Variants in AGBL4 observed in about 807,000 individuals in gnomAD.
The protein encoded by AGBL4 is AGBL carboxypeptidase 4, also known as cytosolic carboxypeptidase 6.
A neutral mutation model predicts 66.4 loss-of-function variants in AGBL4; 58 were observed. The observed-to-expected ratio is 0.87, with a 90% confidence interval of 0.71 to 1.09. AGBL4 has a LOEUF of 1.09. Among genes scored for constraint, AGBL4 ranks in the 50% least tolerant of loss-of-function variants. AGBL4 has a pLI of 0.00. For synonymous variants in AGBL4, 234 were observed against 222.9 expected, an observed-to-expected ratio of 1.05 and a Z score of -0.44; for missense variants, 579 against 631.0, an observed-to-expected ratio of 0.92 and a Z score of 0.88.
intron 3 of AGBL4, among the ~76,000 whole-genome samples, chr1:49,558,709 A>C (rs1014482615): frequency 6.6e-6 from 1 of 152,290 alleles, no homozygotes; most frequent in South Asian, 2.1e-4. Context: ...CAGAGAGCCC[A>C]GTACCCTAGA....
chr1:48,709,615 A>ATTATTATTATTG (rs1646933607), intron 6 of AGBL4, among the ~76,000 whole-genome samples: 1 of 145,346 alleles, frequency 6.9e-6, no homozygotes, highest in Non-Finnish European at 1.5e-5. Flanking sequence ...TATTATTATT[A>ATTATTATTATTG]TTTTGAGATG....
chr1:48,673,294 G>A (rs944628488), intron 6 of AGBL4, among the ~76,000 whole-genome samples: 1 of 152,040 alleles, frequency 6.6e-6, no homozygotes, highest in Non-Finnish European at 1.5e-5. Flanking sequence ...ATTTCCCCAA[G>A]CAGAGAACTG....
At chr1:49,094,413 T>C (rs1645054667) in intron 4 of AGBL4, among the ~76,000 whole-genome samples, 1 of 152,192 alleles carries the variant, frequency 6.6e-6, no homozygotes, top group African/African-American at 2.4e-5. Context: ...ATGCATTTTG[T>C]TAAAGGCCTT....
intron 3 of AGBL4, among the ~76,000 whole-genome samples, chr1:49,254,567 A>G (rs1652325236): frequency 6.6e-6 from 1 of 152,200 alleles, no homozygotes; most frequent in Non-Finnish European, 1.5e-5. Flanking sequence ...AAGAATCAAT[A>G]TTGTTAAAAT....
intron 3 of AGBL4, among the ~76,000 whole-genome samples, chr1:49,450,857 A>T (rs1646263121): frequency 1.3e-5 from 2 of 152,076 alleles, no homozygotes; most frequent in South Asian, 4.1e-4. Flanking sequence ...CTGCAAAGCC[A>T]TCTGTATTCG....
At chr1:48,761,896 T>C (rs886278931) in intron 6 of AGBL4, among the ~76,000 whole-genome samples, 2 of 152,142 alleles carry the variant, frequency 1.3e-5, no homozygotes, top group Admixed American at 6.5e-5. Context: ...TGGGTTTCTG[T>C]CAGCTCAAGT....
chr1:49,618,180 G>T (rs947181121), intron 3 of AGBL4, among the ~76,000 whole-genome samples: 8 of 152,160 alleles, frequency 5.3e-5, no homozygotes, highest in South Asian at 2.1e-4. Flanking sequence ...CAAAGAACAT[G>T]AACTCATCCT....
chr1:48,949,252 C>T (rs1056778938), intron 5 of AGBL4, among the ~76,000 whole-genome samples: 1 of 152,162 alleles, frequency 6.6e-6, no homozygotes, highest in Non-Finnish European at 1.5e-5. Flanking sequence ...GAGGGGTGCA[C>T]AGTGGGCACA....
At chr1:48,807,981 C>A (rs894514253) in intron 6 of AGBL4, among the ~76,000 whole-genome samples, 1 of 152,046 alleles carries the variant, frequency 6.6e-6, no homozygotes, top group African/African-American at 2.4e-5. Context: ...GAGGCAATGA[C>A]ACAAAGGGAA....
chr1:48,539,610 T>C, intron 12 of AGBL4, 32 bp downstream of exon 12: 1 of 1,494,266 alleles, frequency 6.7e-7, no homozygotes, highest in Non-Finnish European at 9.0e-7. Flanking sequence ...GGAGCAGAAC[T>C]CAAGCCGAAA....
chr1:49,692,299 C>T (rs749260573), intron 3 of AGBL4, among the ~76,000 whole-genome samples: 1 of 151,988 alleles, frequency 6.6e-6, no homozygotes, highest in African/African-American at 2.4e-5. Context: ...AAATATAAAC[C>T]AAAATTGGTT....
At chr1:49,639,814 A>G (rs1347249510) in intron 3 of AGBL4, among the ~76,000 whole-genome samples, 1 of 152,192 alleles carries the variant, frequency 6.6e-6, no homozygotes, top group Non-Finnish European at 1.5e-5. Context: ...TGAAATCAAG[A>G]AAGTTTTTAA....
chr1:49,060,307 G>A (rs1571348008), intron 4 of AGBL4, among the ~76,000 whole-genome samples: 1 of 152,136 alleles, frequency 6.6e-6, no homozygotes, highest in African/African-American at 2.4e-5. Flanking sequence ...ATGTGAAGAA[G>A]GATGTGTTTG....
intron 1 of AGBL4, among the ~76,000 whole-genome samples, chr1:49,897,282 C>CA (rs953281512): frequency 3.3e-5 from 5 of 151,794 alleles, no homozygotes; most frequent in African/African-American, 4.8e-5. Flanking sequence ...AATCAACATA[C>CA]AAAAAAATCA....
chr1:49,116,395 G>A (rs565178787), intron 4 of AGBL4, among the ~76,000 whole-genome samples: 322 of 152,146 alleles, frequency 2.1e-3, no homozygotes, highest in African/African-American at 7.3e-3. Context: ...AACAGGCCCT[G>A]GTGTGTGATA....
chr1:49,992,409 C>T (rs1328241068), intron 1 of AGBL4, among the ~76,000 whole-genome samples: 1 of 151,820 alleles, frequency 6.6e-6, no homozygotes, highest in Non-Finnish European at 1.5e-5. Context: ...TGAAATGTCC[C>T]CTATGTCACT....
intron 4 of AGBL4, among the ~76,000 whole-genome samples, chr1:49,121,465 A>C (rs1645652341): frequency 6.6e-6 from 1 of 152,192 alleles, no homozygotes; most frequent in Non-Finnish European, 1.5e-5. Context: ...CAGGTCCCTC[A>C]GCGGCAGGTC....
At chr1:48,759,327 G>C in intron 6 of AGBL4, 3 of 1,532,976 alleles carry the variant, frequency 2.0e-6, no homozygotes, top group South Asian at 2.4e-5. Flanking sequence ...GGGCAGCTGG[G>C]ATTTTCTTGG....
chr1:49,033,164 T>C (rs1164559006), intron 5 of AGBL4, among the ~76,000 whole-genome samples: 1 of 152,054 alleles, frequency 6.6e-6, no homozygotes, highest in Non-Finnish European at 1.5e-5. Context: ...GGACTCCTTT[T>C]GAAGGCAGTA....
Sources: gnomAD v4.1 joint callset for allele counts (sites outside exome capture counted in the v4.1 genomes callset) on GRCh38, gnomAD v4.1.1 for gene constraint, MANE v1.5 for transcripts, NCBI Gene and HGNC (gene_info 2026-07-23, HGNC 2026-07-21) for gene names.